Variants in DPP10 observed in about 807,000 individuals in gnomAD.
DPP10 encodes dipeptidyl peptidase like 10, also known as inactive dipeptidyl peptidase 10.
In DPP10, 33 loss-of-function variants were observed where a neutral mutation model predicts 120.9. The ratio of observed to expected loss-of-function variants is 0.27; its 90% confidence interval spans 0.21 to 0.37. DPP10 has a LOEUF of 0.37. Ranked by LOEUF, DPP10 falls within the 10% of genes least tolerant of loss-of-function variation. The pLI is 1.00. For synonymous variants in DPP10, 337 were observed against 326.1 expected (o/e 1.03, Z -0.36); for missense variants, 816 against 942.8 (o/e 0.87, Z 1.76).
chr2:115,534,015 C>T (rs1346582286), intron 5 of DPP10, among the ~76,000 whole-genome samples: 1 of 151,896 alleles, frequency 6.6e-6, no homozygotes, highest in Non-Finnish European at 1.5e-5. Context: ...TTTTTGGAAG[C>T]CAGTATTTAC....
chr2:115,633,535 C>G (rs2086069661), intron 5 of DPP10, among the ~76,000 whole-genome samples: 2 of 151,982 alleles, frequency 1.3e-5, no homozygotes, highest in African/African-American at 4.8e-5. Context: ...ACATATGTAA[C>G]AAACCTGCAC....
intron 1 of DPP10, among the ~76,000 whole-genome samples, chr2:114,867,526 T>C (rs1690336015): frequency 6.6e-6 from 1 of 152,196 alleles, no homozygotes; most frequent in African/African-American, 2.4e-5. Flanking sequence ...TCTTTCCTTA[T>C]AAGTTAAAAT....
intron 1 of DPP10, among the ~76,000 whole-genome samples, chr2:115,299,401 G>A (rs2061025416): frequency 6.6e-6 from 1 of 151,922 alleles, no homozygotes; most frequent in African/African-American, 2.4e-5. Flanking sequence ...GTTCTCGTGG[G>A]AGGCTTCAGC....
At chr2:115,325,388 C>A (rs981331496) in intron 2 of DPP10, among the ~76,000 whole-genome samples, 1 of 152,000 alleles carries the variant, frequency 6.6e-6, no homozygotes, top group African/African-American at 2.4e-5. Flanking sequence ...GTTATTAAAG[C>A]TGATGATATT....
intron 1 of DPP10, among the ~76,000 whole-genome samples, chr2:114,533,152 A>G (rs1035177859): frequency 6.6e-6 from 1 of 152,156 alleles, no homozygotes; most frequent in Admixed American, 6.5e-5. Flanking sequence ...TGGGCATCTT[A>G]GCGTGTATAA....
intron 1 of DPP10, among the ~76,000 whole-genome samples, chr2:114,814,838 C>A (rs1235436472): frequency 2.0e-5 from 3 of 152,222 alleles, no homozygotes; most frequent in Non-Finnish European, 4.4e-5. Flanking sequence ...GTCCTTCCCT[C>A]TTTCCTTCAG....
chr2:115,212,883 T>G (rs961557302), intron 1 of DPP10, among the ~76,000 whole-genome samples: 1 of 152,166 alleles, frequency 6.6e-6, no homozygotes, highest in African/African-American at 2.4e-5. Context: ...AATGCATAGT[T>G]ATTCACATTG....
intron 1 of DPP10, among the ~76,000 whole-genome samples, chr2:114,765,458 G>A (rs1680629287): frequency 6.6e-6 from 1 of 151,996 alleles, no homozygotes; most frequent in Non-Finnish European, 1.5e-5. Flanking sequence ...GAACAAAGAG[G>A]CACTACTAGG....
intron 1 of DPP10, among the ~76,000 whole-genome samples, chr2:114,604,600 G>A (rs577778909): frequency 6.6e-6 from 1 of 151,988 alleles, no homozygotes; most frequent in Non-Finnish European, 1.5e-5. Flanking sequence ...TTCACTCTCT[G>A]GTCCTTTAAA....
At chr2:115,322,082 C>A (rs1024329800) in intron 2 of DPP10, among the ~76,000 whole-genome samples, 1 of 152,068 alleles carries the variant, frequency 6.6e-6, no homozygotes, top group African/African-American at 2.4e-5. Flanking sequence ...ATGGACTTCA[C>A]TTTCTTATTT....
At chr2:114,993,880 C>G (rs1453772203) in intron 1 of DPP10, among the ~76,000 whole-genome samples, 1 of 152,084 alleles carries the variant, frequency 6.6e-6, no homozygotes, top group African/African-American at 2.4e-5. Context: ...TTGACTGCAA[C>G]TATGTCAATG....
chr2:115,635,293 C>A (rs180724326), intron 5 of DPP10, among the ~76,000 whole-genome samples: 183 of 152,286 alleles, frequency 1.2e-3, no homozygotes, highest in Non-Finnish European at 2.1e-3. Context: ...AGAATCTGCA[C>A]AACTCTGCGG....
intron 3 of DPP10, among the ~76,000 whole-genome samples, chr2:115,364,994 G>A (rs1218515298): frequency 6.6e-6 from 1 of 152,202 alleles, no homozygotes; most frequent in South Asian, 2.1e-4. Flanking sequence ...AAAGTGTTAT[G>A]ACTAACACTG....
chr2:114,793,106 C>T (rs1353404595), intron 1 of DPP10, among the ~76,000 whole-genome samples: 1 of 151,684 alleles, frequency 6.6e-6, no homozygotes, highest in African/African-American at 2.4e-5. Context: ...CAAGGCAGTT[C>T]CCATATCCTT....
chr2:114,622,459 A>G (rs1415986040), intron 1 of DPP10, among the ~76,000 whole-genome samples: 1 of 147,732 alleles, frequency 6.8e-6, no homozygotes, highest in Non-Finnish European at 1.5e-5. Context: ...CATGATTGCT[A>G]TATCTTGTGC....
intron 1 of DPP10, among the ~76,000 whole-genome samples, chr2:115,243,794 C>A (rs1241546915): frequency 6.6e-6 from 1 of 150,456 alleles, no homozygotes; most frequent in African/African-American, 2.4e-5. Context: ...CATCTAGCCA[C>A]CAGAGAATGC....
chr2:114,743,907 T>G (rs1034800305), intron 1 of DPP10, among the ~76,000 whole-genome samples: 3 of 152,154 alleles, frequency 2.0e-5, no homozygotes, highest in Non-Finnish European at 2.9e-5. Flanking sequence ...GGTTTTGGTC[T>G]TGTCCTCAGG....
intron 1 of DPP10, among the ~76,000 whole-genome samples, chr2:114,647,993 C>T (rs567419025): frequency 1.1e-4 from 16 of 152,226 alleles, no homozygotes; most frequent in African/African-American, 3.4e-4. Flanking sequence ...AACAAACATC[C>T]TTCAAAGATA....
chr2:114,952,670 T>C (rs764800262), intron 1 of DPP10, among the ~76,000 whole-genome samples: 26 of 152,324 alleles, frequency 1.7e-4, no homozygotes, highest in Admixed American at 3.3e-4. Flanking sequence ...TGTCTGTCTG[T>C]GTATAGACAT....
Sources: gnomAD v4.1 joint callset for allele counts (sites outside exome capture counted in the v4.1 genomes callset) on GRCh38, gnomAD v4.1.1 for gene constraint, MANE v1.5 for transcripts, NCBI Gene and HGNC (gene_info 2026-07-23, HGNC 2026-07-21) for gene names.